ENTREP1: variants seen among roughly 807,000 people sequenced by gnomAD.
The protein encoded by ENTREP1 is endosomal transmembrane epsin interactor 1.
chr9:69,367,910 T>TAC, the ENTREP1 span, among the ~76,000 whole-genome samples: 2 of 112,980 alleles, frequency 1.8e-5, no homozygotes, highest in East Asian at 5.1e-4. Context: ...TATATACATA[T>TAC]ACACACACAC....
At chr9:69,362,327 G>A in the ENTREP1 span, among the ~76,000 whole-genome samples, 1 of 152,136 alleles carries the variant, frequency 6.6e-6, no homozygotes, top group Non-Finnish European at 1.5e-5. Context: ...GGAGGGATAG[G>A]CAAATTGAAG....
the ENTREP1 span, among the ~76,000 whole-genome samples, chr9:69,339,186 A>C: frequency 1.3e-5 from 2 of 152,036 alleles, no homozygotes; most frequent in African/African-American, 4.8e-5. Context: ...CACCCAGCTA[A>C]TATTTAAATT....
the ENTREP1 span, among the ~76,000 whole-genome samples, chr9:69,326,810 T>A: frequency 9.7e-6 from 1 of 103,004 alleles, no homozygotes; most frequent in Non-Finnish European, 2.3e-5. Context: ...GCGATCCTCC[T>A]GCCTCGGCCT....
At chr9:69,340,788 C>CTT in the ENTREP1 span, among the ~76,000 whole-genome samples, 1 of 36,406 alleles carries the variant, frequency 2.7e-5, no homozygotes, top group African/African-American at 7.1e-5. Flanking sequence ...TGTGTGTGTG[C>CTT]ATGTGTGTGT....
chr9:69,324,676 G>T, the ENTREP1 span: 1 of 984,884 alleles, frequency 1.0e-6, no homozygotes, highest in Non-Finnish European at 1.2e-6. Flanking sequence ...GCTCGGCGTC[G>T]TCCTTCCCGA....
the ENTREP1 span, among the ~76,000 whole-genome samples, chr9:69,359,396 C>T: frequency 6.6e-6 from 1 of 152,064 alleles, no homozygotes; most frequent in Admixed American, 6.6e-5. Flanking sequence ...TCCCATAATC[C>T]CCACGTGTCA....
At chr9:69,387,679 C>T in the ENTREP1 span, 6 of 327,514 alleles carry the variant, frequency 1.8e-5, no homozygotes, top group South Asian at 5.3e-5. Flanking sequence ...ACGTTTGGGA[C>T]AAAGGTATAG....
the ENTREP1 span, among the ~76,000 whole-genome samples, chr9:69,340,857 A>G: frequency 6.6e-6 from 1 of 151,952 alleles, no homozygotes; most frequent in East Asian, 1.9e-4. Context: ...TTTTCCATAA[A>G]GAGCTAACAT....
chr9:69,356,386 GCC>G, the ENTREP1 span, among the ~76,000 whole-genome samples: 3 of 152,170 alleles, frequency 2.0e-5, no homozygotes, highest in Non-Finnish European at 2.9e-5. Flanking sequence ...TATGAGGAAC[GCC>G]CTGTGAGTAC....
chr9:69,383,899 G>T, the ENTREP1 span: 1 of 1,572,660 alleles, frequency 6.4e-7, no homozygotes, highest in Non-Finnish European at 8.7e-7. Flanking sequence ...TCTAATGAGG[G>T]GTGAGTTAAA....
the ENTREP1 span, among the ~76,000 whole-genome samples, chr9:69,366,870 G>A: frequency 2.3e-4 from 35 of 151,962 alleles, no homozygotes; most frequent in African/African-American, 8.2e-4. Context: ...TTATTTCTGG[G>A]TTCTCTATTC....
chr9:69,347,159 G>A, the ENTREP1 span, among the ~76,000 whole-genome samples: 1 of 152,144 alleles, frequency 6.6e-6, no homozygotes, highest in East Asian at 1.9e-4. Flanking sequence ...GCAGGCATGG[G>A]GTGAGCTCAC....
the ENTREP1 span, among the ~76,000 whole-genome samples, chr9:69,346,825 G>A: frequency 6.6e-6 from 1 of 152,190 alleles, no homozygotes; most frequent in African/African-American, 2.4e-5. Context: ...ACCCTTAGCT[G>A]ATCTCCATCT....
chr9:69,388,995 GA>G, the ENTREP1 span, among the ~76,000 whole-genome samples: 1 of 152,230 alleles, frequency 6.6e-6, no homozygotes, highest in African/African-American at 2.4e-5. Context: ...GCCACTTGGG[GA>G]AAAGATAGAA....
the ENTREP1 span, among the ~76,000 whole-genome samples, chr9:69,331,897 T>A: frequency 6.6e-6 from 1 of 152,176 alleles, no homozygotes; most frequent in Admixed American, 6.5e-5. Context: ...AGGACATTGT[T>A]AAGGGACCTT....
the ENTREP1 span, chr9:69,381,769 C>A: frequency 6.6e-6 from 1 of 152,380 alleles, no homozygotes; most frequent in East Asian, 1.9e-4. Context: ...AGGAAAGGAA[C>A]TTTCCTTCTA....
chr9:69,330,339 G>T, the ENTREP1 span, among the ~76,000 whole-genome samples: 10 of 152,174 alleles, frequency 6.6e-5, no homozygotes, highest in Admixed American at 2.0e-4. Flanking sequence ...TATTTCAGAT[G>T]AGTGGTAGAG....
the ENTREP1 span, among the ~76,000 whole-genome samples, chr9:69,346,841 C>T: frequency 0.79 from 120,245 of 152,120 alleles, 47,623 homozygotes; most frequent in South Asian, 0.87. Flanking sequence ...CATCTCCCAG[C>T]CTAGAAAAAG....
At chr9:69,353,172 C>T in the ENTREP1 span, among the ~76,000 whole-genome samples, 1 of 152,106 alleles carries the variant, frequency 6.6e-6, no homozygotes, top group African/African-American at 2.4e-5. Flanking sequence ...TAACACTGCA[C>T]CGGGACTCCT....
Sources: allele counts gnomAD v4.1 joint callset (sites outside exome capture counted in the v4.1 genomes callset), GRCh38; gene constraint gnomAD v4.1.1; transcripts MANE v1.5; gene names NCBI Gene and HGNC (gene_info 2026-07-23, HGNC 2026-07-21).